PTPN13: variants seen among roughly 807,000 people sequenced by gnomAD.
The protein encoded by PTPN13 is protein tyrosine phosphatase non-receptor type 13.
PTPN13 carries 191 observed loss-of-function variants against 284.0 expected under a neutral mutation model. The observed-to-expected ratio is 0.67, with a 90% CI of 0.60 to 0.76. The LOEUF (loss-of-function observed/expected upper bound fraction) is 0.76, where lower values mean the gene tolerates loss of function less well. PTPN13 is among the 30% of genes least tolerant of loss of function. The probability of loss-of-function intolerance (pLI) is 0.00; values close to 1 mark genes in which losing one functional copy is unlikely to be tolerated. For synonymous variants in PTPN13, 986 were observed against 1,022.3 expected, an observed-to-expected ratio of 0.96 and a Z score of 0.68; for missense variants, 2,797 against 2,939.9, an observed-to-expected ratio of 0.95 and a Z score of 1.12.
chr4:86,792,323 G>T (rs1427657636), intron 40 of PTPN13, among the ~76,000 whole-genome samples: 4 of 152,172 alleles, frequency 2.6e-5, no homozygotes, highest in Admixed American at 6.5e-5. Context: ...AGAGTGAAAA[G>T]AAATGAACAA....
intron 40 of PTPN13, among the ~76,000 whole-genome samples, chr4:86,795,589 C>T (rs1007904084): frequency 9.9e-5 from 15 of 152,164 alleles, no homozygotes; most frequent in African/African-American, 3.6e-4. Flanking sequence ...CACATGCACA[C>T]GTATGTTTAT....
At chr4:86,812,762 G>T (rs536612915) in intron 47 of PTPN13, among the ~76,000 whole-genome samples, 1 of 152,250 alleles carries the variant, frequency 6.6e-6, no homozygotes, top group South Asian at 2.1e-4. Context: ...TGAGGTTAGA[G>T]GGGAGGTGAC....
At chr4:86,667,002 C>G (rs1453767533) in intron 2 of PTPN13, among the ~76,000 whole-genome samples, 1 of 152,148 alleles carries the variant, frequency 6.6e-6, no homozygotes, top group Non-Finnish European at 1.5e-5. Flanking sequence ...CTCAATTGTA[C>G]GGGCTACTCT....
chr4:86,767,680 TC>T, intron 27 of PTPN13, 136 bp from the exon 28 acceptor site: 1 of 618,192 alleles, frequency 1.6e-6, no homozygotes, highest in Non-Finnish European at 2.6e-6. Context: ...ATTTTTTTTT[TC>T]TCCCCCTTCA....
At chr4:86,609,687 A>G (rs538599057) in intron 1 of PTPN13, among the ~76,000 whole-genome samples, 1 of 152,200 alleles carries the variant, frequency 6.6e-6, no homozygotes, top group East Asian at 1.9e-4. Flanking sequence ...AACATGTTTC[A>G]CACTTTTAAC....
chr4:86,644,080 T>C (rs546846249), intron 2 of PTPN13, among the ~76,000 whole-genome samples: 1 of 151,070 alleles, frequency 6.6e-6, no homozygotes, highest in East Asian at 1.9e-4. Context: ...AACAGCTCAC[T>C]CAAGAAAAAA....
At chr4:86,799,549 G>A (rs1465118936) in intron 42 of PTPN13, among the ~76,000 whole-genome samples, 1 of 151,104 alleles carries the variant, frequency 6.6e-6, no homozygotes, top group Non-Finnish European at 1.5e-5. Context: ...AGGCTGGTCT[G>A]GAACTCCTGA....
At chr4:86,686,802 ACTTT>A (rs1280858647) in intron 4 of PTPN13, 27 bp downstream of exon 4, 1 of 1,469,726 alleles carries the variant, frequency 6.8e-7, no homozygotes, top group Non-Finnish European at 9.3e-7. Context: ...CAGTTGTTAT[ACTTT>A]TTACATATGT....
At chr4:86,761,781 A>G (rs1738729027) in intron 23 of PTPN13, among the ~76,000 whole-genome samples, 1 of 152,182 alleles carries the variant, frequency 6.6e-6, no homozygotes, top group Non-Finnish European at 1.5e-5. Flanking sequence ...AACTCTTTGT[A>G]TATTAGGGAT....
At position 86,765,450 on chromosome 4, in the gene PTPN13, C is replaced by T; in HGVS notation, c.4205C>T (p.Pro1402Leu). ...GGCATTTATGTGAAAGCTGTTATTC[C>T]CCAGGGAGCAGCAGAGTCTGATGGT... is the stretch of plus-strand genomic sequence containing the variant. ...HGGIYVKAVI[P>L]QGAAESDGRI... The change falls in exon 26 of 48, where the codon CCC (proline) becomes CTC (leucine). Residue 1402 changes from proline to leucine, a missense_variant. Pro to Leu is a moderately conservative substitution (Grantham distance 98). Coordinates refer to ENST00000411767, the MANE Select transcript of PTPN13 (RefSeq NM_080683.3). The T allele has an allele frequency of 2.5e-6, 4 of 1,600,772 alleles. No individual in the cohort carries two copies. The highest frequency in any genetic ancestry group is 3.4e-6 in the Non-Finnish European group (4 of 1,173,068).
chr4:86,620,311 A>G (rs1464399978), intron 1 of PTPN13, among the ~76,000 whole-genome samples: 2 of 152,160 alleles, frequency 1.3e-5, no homozygotes, highest in Non-Finnish European at 2.9e-5. Context: ...GACCACAGGC[A>G]CACACCACCA....
At chr4:86,805,813 T>C (rs1331931596) in intron 44 of PTPN13, among the ~76,000 whole-genome samples, 2 of 152,130 alleles carry the variant, frequency 1.3e-5, no homozygotes, top group Non-Finnish European at 2.9e-5. Flanking sequence ...ATGACTACAG[T>C]GGTACTACCA....
At chr4:86,678,585 A>G (rs1189578082) in intron 3 of PTPN13, among the ~76,000 whole-genome samples, 1 of 152,240 alleles carries the variant, frequency 6.6e-6, no homozygotes, top group Non-Finnish European at 1.5e-5. Flanking sequence ...TGCCACAGGC[A>G]TCTGAGACTC....
At chr4:86,785,468 G>C in intron 39 of PTPN13, 100 bp downstream of exon 39, 4 of 1,021,516 alleles carry the variant, frequency 3.9e-6, no homozygotes, top group Non-Finnish European at 5.6e-6. Flanking sequence ...TTCTTCTTCT[G>C]TTCCTCATTC....
chr4:86,781,917 C>G (rs191397094), intron 36 of PTPN13, among the ~76,000 whole-genome samples: 3 of 149,634 alleles, frequency 2.0e-5, no homozygotes, highest in Non-Finnish European at 4.4e-5. Flanking sequence ...GAGCCGAGAT[C>G]GCACCACTGC....
intron 40 of PTPN13, among the ~76,000 whole-genome samples, chr4:86,791,061 A>C (rs182579783): frequency 6.6e-6 from 1 of 152,158 alleles, no homozygotes; most frequent in African/African-American, 2.4e-5. Context: ...CGGGAAGCAC[A>C]AGGTGTCAGG....
At chr4:86,782,458 C>T (rs920689826) in intron 37 of PTPN13, among the ~76,000 whole-genome samples, 196 bp downstream of exon 37, 1 of 152,134 alleles carries the variant, frequency 6.6e-6, no homozygotes, top group Non-Finnish European at 1.5e-5. Context: ...CATAGGTAAC[C>T]GTACATCATT....
rs774491334 is a variant in PTPN13 at position 86,722,204 on chromosome 4, C to T, written c.1386-8C>T. On this transcript the variant is annotated splice_region_variant and splice_polypyrimidine_tract_variant and intron_variant, in intron 9 of 47. Transcript: ENST00000411767. ...CCAATCCTCACCTGTCTCCTCTTTT[C>T]TATATAGCAGACAATATGAAACACC... 1 of 1,599,094 alleles carries T rather than the reference C, an allele frequency of 6.3e-7. No homozygotes were observed. Among genetic ancestry groups the T allele is most frequent in the Non-Finnish European group, 8.6e-7 (1 of 1,166,566 alleles).
chr4:86,606,428 T>A (rs1344621564), intron 1 of PTPN13, among the ~76,000 whole-genome samples: 1 of 151,910 alleles, frequency 6.6e-6, no homozygotes, highest in East Asian at 1.9e-4. Context: ...TTATTTATTG[T>A]GATAATCACT....
Sources: gnomAD v4.1 joint callset for allele counts (sites outside exome capture counted in the v4.1 genomes callset) on GRCh38, gnomAD v4.1.1 for gene constraint, MANE v1.5 for transcripts, NCBI Gene and HGNC (gene_info 2026-07-23, HGNC 2026-07-21) for gene names.